The following TENM3 variants were observed in gnomAD, a reference collection of about 807,000 sequenced individuals.
TENM3 encodes the protein teneurin-3.
In TENM3, 63 loss-of-function variants were observed where a neutral mutation model predicts 255.1. The observed-to-expected ratio is 0.25, with a 90% CI of 0.20 to 0.30. The LOEUF is 0.30. Ranked by LOEUF, TENM3 falls within the 10% of genes least tolerant of loss-of-function variation. TENM3 has a pLI of 1.00. For missense variants in TENM3, 2,929 were observed against 3,461.1 expected, an observed-to-expected ratio of 0.85 and a Z score of 3.86; for synonymous variants, 1,306 against 1,322.3, an observed-to-expected ratio of 0.99 and a Z score of 0.27.
intron 19 of TENM3, among the ~76,000 whole-genome samples, chr4:182,750,252 C>T (rs1463123499): frequency 1.3e-5 from 2 of 152,310 alleles, no homozygotes; most frequent in Admixed American, 1.3e-4. Context: ...CACACATTTA[C>T]ACACTCTAAG....
chr4:181,881,508 A>T, the TENM3 span, among the ~76,000 whole-genome samples: 1 of 152,104 alleles, frequency 6.6e-6, no homozygotes, highest in Admixed American at 6.5e-5. Context: ...GAAAGAAAGG[A>T]TTCATATTTG....
the TENM3 span, among the ~76,000 whole-genome samples, chr4:181,695,677 T>C: frequency 1.3e-5 from 2 of 152,206 alleles, no homozygotes; most frequent in African/African-American, 4.8e-5. Context: ...GAGATAATTG[T>C]TTTGGGTTGA....
intron 1 of TENM3, among the ~76,000 whole-genome samples, chr4:182,233,671 G>A (rs966790625): frequency 5.9e-5 from 9 of 152,124 alleles, no homozygotes; most frequent in East Asian, 1.9e-4. Context: ...ACAGCTTATC[G>A]TCAAGCAGAT....
intron 3 of TENM3, among the ~76,000 whole-genome samples, chr4:182,347,440 A>G (rs1468480558): frequency 6.6e-6 from 1 of 152,186 alleles, no homozygotes; most frequent in Non-Finnish European, 1.5e-5. Context: ...AAGAACAAAT[A>G]TGATCATGCT....
chr4:182,362,875 G>C (rs1186790963), intron 3 of TENM3, among the ~76,000 whole-genome samples: 3 of 152,098 alleles, frequency 2.0e-5, no homozygotes, highest in African/African-American at 4.8e-5. Context: ...GCTCCTCCCT[G>C]AAAAACTTTT....
At chr4:181,454,405 G>A in the TENM3 span, among the ~76,000 whole-genome samples, 5 of 152,112 alleles carry the variant, frequency 3.3e-5, no homozygotes, top group East Asian at 3.9e-4. Context: ...TGTAGCCATC[G>A]TAATATCATA....
chr4:182,196,760 T>C (rs1753854531), intron 1 of TENM3, among the ~76,000 whole-genome samples: 2 of 152,234 alleles, frequency 1.3e-5, no homozygotes, highest in African/African-American at 4.8e-5. Flanking sequence ...TGTAACATTT[T>C]CTACACATTT....
At chr4:181,725,131 G>A in the TENM3 span, among the ~76,000 whole-genome samples, 1 of 152,132 alleles carries the variant, frequency 6.6e-6, no homozygotes, top group African/African-American at 2.4e-5. Context: ...CTTTCCCAAT[G>A]TTTAGCTTAG....
chr4:182,307,910 G>A (rs1190142752), intron 1 of TENM3, among the ~76,000 whole-genome samples: 2 of 152,234 alleles, frequency 1.3e-5, no homozygotes, highest in Non-Finnish European at 2.9e-5. Context: ...GGGAAACCAA[G>A]GAAACTGCCT....
At chr4:182,361,941 G>C (rs1766026126) in intron 3 of TENM3, among the ~76,000 whole-genome samples, 1 of 152,208 alleles carries the variant, frequency 6.6e-6, no homozygotes, top group Non-Finnish European at 1.5e-5. Flanking sequence ...TGACAGACAG[G>C]ACCCTCAGCT....
At chr4:182,661,327 A>T (rs116391253) in intron 6 of TENM3, among the ~76,000 whole-genome samples, 1 of 149,640 alleles carries the variant, frequency 6.7e-6, no homozygotes, top group African/African-American at 2.5e-5. Context: ...CAGCCTCCCG[A>T]GTAGCTGGGA....
Position 182,659,135 on chromosome 4 carries a change from A to G in TENM3, c.1111+5242A>G, listed in dbSNP as rs978832486. On this transcript the variant is annotated intron_variant, in intron 6 of 27. Transcript: ENST00000511685. ...ATGCCATTGCACAAGGGCACGTGGG[A>G]TGGAAGATGCTGTTGTGGCCATCTT... Among the ~76,000 whole-genome samples, 5 of 152,314 alleles carry G rather than the reference A, an allele frequency of 3.3e-5. No homozygotes were observed. In the East Asian group the frequency reaches 9.7e-4, roughly 29 times the overall value.
chr4:182,571,403 G>C (rs1035470113), intron 3 of TENM3, among the ~76,000 whole-genome samples: 1 of 152,162 alleles, frequency 6.6e-6, no homozygotes, highest in Non-Finnish European at 1.5e-5. Flanking sequence ...ACATGTGCCT[G>C]TAGTCCCAGC....
At chr4:181,651,813 C>T in the TENM3 span, among the ~76,000 whole-genome samples, 1 of 152,098 alleles carries the variant, frequency 6.6e-6, no homozygotes, top group South Asian at 2.1e-4. Flanking sequence ...AGAATAATTC[C>T]AATACCTATT....
At chr4:181,453,480 T>C in the TENM3 span, among the ~76,000 whole-genome samples, 7 of 152,068 alleles carry the variant, frequency 4.6e-5, no homozygotes, top group African/African-American at 1.7e-4. Flanking sequence ...GGCCAGATGA[T>C]GCCATCCGAT....
At chr4:181,800,826 A>G in the TENM3 span, among the ~76,000 whole-genome samples, 2 of 152,202 alleles carry the variant, frequency 1.3e-5, no homozygotes, top group Non-Finnish European at 2.9e-5. Flanking sequence ...AGGCTAGAAC[A>G]GGTACTTACT....
At chr4:182,726,243 A>AT (rs1232710858) in intron 13 of TENM3, among the ~76,000 whole-genome samples, 1 of 152,160 alleles carries the variant, frequency 6.6e-6, no homozygotes, top group Non-Finnish European at 1.5e-5. Context: ...TAGTGAAGAG[A>AT]TTTTTAGTTA....
chr4:182,732,072 C>T lies in TENM3; in HGVS notation c.2967+933C>T, dbSNP rs553254181. Among the ~76,000 whole-genome samples, 15 of 152,194 alleles carry T rather than the reference C, an allele frequency of 9.9e-5. No homozygotes were observed. In the East Asian group the frequency reaches 1.5e-3, roughly 16 times the overall value. ...CTGGGATTACAGGTGTGAGCCACCG[C>T]ACCCGGCCTTTCTAGTTATTTCTTA... is the stretch of plus-strand genomic sequence containing the variant. On this transcript the variant is annotated intron_variant, in intron 16 of 27. Transcript: ENST00000511685.
intron 3 of TENM3, among the ~76,000 whole-genome samples, chr4:182,516,505 AGG>A (rs1737963109): frequency 6.6e-6 from 1 of 152,150 alleles, no homozygotes; most frequent in Admixed American, 6.5e-5. Context: ...ACTTTTTATT[AGG>A]GTTCTTTTTC....
Sources: allele counts gnomAD v4.1 joint callset (sites outside exome capture counted in the v4.1 genomes callset), GRCh38; gene constraint gnomAD v4.1.1; transcripts MANE v1.5; gene names NCBI Gene and HGNC (gene_info 2026-07-23, HGNC 2026-07-21).